Variants in ALS2CL observed in about 807,000 individuals in gnomAD.
ALS2CL encodes ALS2 C-terminal-like protein.
ALS2CL carries 112 observed loss-of-function variants against 127.9 expected under a neutral mutation model. The observed-to-expected ratio is 0.88, with a 90% CI of 0.75 to 1.02. ALS2CL has a LOEUF of 1.02. Among genes scored for constraint, ALS2CL ranks in the 50% least tolerant of loss-of-function variants. The probability of loss-of-function intolerance (pLI) is 0.00; values close to 1 mark genes in which losing one functional copy is unlikely to be tolerated. For synonymous variants in ALS2CL, 519 were observed against 527.6 expected (o/e 0.98, Z 0.22); for missense variants, 1,174 against 1,236.7 (o/e 0.95, Z 0.76).
At position 46,672,170 on chromosome 3, in the gene ALS2CL, A is replaced by G. The variant is rs1292614792; in HGVS notation, c.2504T>C (p.Leu835Pro). The stretch of plus-strand genomic sequence containing the variant: ...CTTCTGCAGGCACTCGGTGGCTGAC[A>G]GGAAACACTTGTCCCTGACCAGGGA... ...RYSLVRDKCF[L>P]SATECLQKIM... Residue 835 changes from leucine (L) to proline (P), a missense_variant, in exon 23 of 26, where the codon CTG becomes CCG. Coordinates refer to ENST00000318962, the MANE Select transcript of ALS2CL (RefSeq NM_147129.5). The G allele has an allele frequency of 2.5e-6, 4 of 1,613,966 alleles. No individual in the cohort carries two copies. Among genetic ancestry groups the G allele is most frequent in the Non-Finnish European group, 3.4e-6 (4 of 1,180,026 alleles).
At chr3:46,675,336 G>A (rs532663354) in intron 20 of ALS2CL, 14 of 404,956 alleles carry the variant, frequency 3.5e-5, no homozygotes, top group Non-Finnish European at 4.9e-5. Context: ...AGGGTGCCTC[G>A]GGGAGCTACT....
chr3:46,675,874 C>T, intron 19 of ALS2CL, 188 bp from the exon 20 acceptor site: 2 of 1,447,730 alleles, frequency 1.4e-6, no homozygotes, highest in Non-Finnish European at 1.8e-6. Flanking sequence ...AATCCAGCAG[C>T]AGAAGGAACT....
intron 19 of ALS2CL, chr3:46,675,994 T>A (rs745584681): frequency 1.1e-5 from 16 of 1,420,304 alleles, no homozygotes; most frequent in Middle Eastern, 2.6e-4. Flanking sequence ...GGGGTGAGAG[T>A]GCACCTGCGG....
At position 46,681,940 on chromosome 3, in the gene ALS2CL, G is replaced by A; in HGVS notation, c.1175+89C>T. 2 of 1,460,044 alleles carry A rather than the reference G, an allele frequency of 1.4e-6. No homozygotes were observed. Among genetic ancestry groups the A allele is most frequent in the Non-Finnish European group, 1.9e-6 (2 of 1,060,550 alleles). 90.4% of individuals were successfully genotyped at this position (1,460,044 alleles called of 1,614,324 possible). A position where few individuals can be genotyped will look rare whatever the true frequency, so the allele number is the denominator to read the frequency against. ...TCCTGCTTGAGGTTTGGGAATTCAG[G>A]ATGGGGCCGGGCTGGTGACCACAGC... On this transcript the variant is annotated intron_variant, in intron 11 of 25. Transcript: ENST00000318962. This position sits in a 1 kb window ranked among gnomAD's most constrained non-coding sequence, Gnocchi z 4.9.
intron 22 of ALS2CL, among the ~76,000 whole-genome samples, chr3:46,672,415 T>C (rs1698478760): frequency 6.6e-6 from 1 of 152,186 alleles, no homozygotes; most frequent in Non-Finnish European, 1.5e-5. Flanking sequence ...ATAGTCTCCA[T>C]GAGGTTGGGA....
rs1699030852 is a variant in ALS2CL at position 46,678,251 on chromosome 3, G to C, written c.1757+8C>G. 3.2e-6 allele frequency: 5 copies of C among 1,573,524 alleles called. No homozygotes were observed. The highest frequency in any genetic ancestry group is 4.3e-6 in the Non-Finnish European group (5 of 1,152,666). On this transcript the variant is annotated splice_region_variant and intron_variant, in intron 16 of 25. Transcript: ENST00000318962. ...ATAGGCCCAGAGCCAGAGGGGCCAG[G>C]CACTCACCTCTTGCAGGTACTGCTC...
In ALS2CL at chr3:46,687,000, C is replaced by G; in HGVS notation, c.517G>C (p.Gly173Arg). 6.2e-7 allele frequency: 1 copy of G among 1,600,434 alleles called. No individual in the cohort carries two copies. The highest frequency in any genetic ancestry group is 8.5e-7 in the Non-Finnish European group (1 of 1,177,282). ...QQYVLLLLSL[G>R]DTIGEHHPTR... ...GTACCCACCTCCCCAATGGTGTCCC[C>G]GAGGCTCAGCAGGAGGAGCACGTAC... The change falls in exon 5 of 26, where the codon GGG becomes CGG. Residue 173 changes from glycine (G) to arginine (R), a missense_variant. Coordinates refer to ENST00000318962, the MANE Select transcript of ALS2CL (RefSeq NM_147129.5). This position sits in a 1 kb window ranked among gnomAD's most constrained non-coding sequence, Gnocchi z 4.3.
Position 46,676,998 on chromosome 3 carries a change from G to C in ALS2CL, c.1782C>G (p.Pro594=), listed in dbSNP as rs565141909. The C allele has an allele frequency of 5.0e-6, 8 of 1,609,992 alleles. No homozygotes were observed. The South Asian group carries it at 5.5e-5, about 11-fold the overall frequency. ...AGACTCCCTGCCAGCGGCTTTCCACGGGGAAGGCACCCACGCCCAGCTGCC... is the reference window on the plus strand; with the variant it reads ...AGACTCCCTGCCAGCGGCTTTCCACCGGGAAGGCACCCACGCCCAGCTGCC... ...CKRQLGVGAF[P]VESRWQGVYS... Residue 594 remains proline, a synonymous_variant, in exon 17 of 26, where the codon CCC becomes CCG. Coordinates refer to ENST00000318962, the MANE Select transcript of ALS2CL (RefSeq NM_147129.5).
chr3:46,683,496 C>G (rs1226519074), intron 9 of ALS2CL, among the ~76,000 whole-genome samples, 170 bp from the exon 10 acceptor site: 1 of 152,236 alleles, frequency 6.6e-6, no homozygotes, highest in Non-Finnish European at 1.5e-5. Flanking sequence ...GGGCCCTCCA[C>G]CCAACCTGAG....
chr3:46,677,965 G>C (rs1194554993), intron 16 of ALS2CL, among the ~76,000 whole-genome samples: 1 of 123,284 alleles, frequency 8.1e-6, no homozygotes, highest in Non-Finnish European at 1.7e-5. Flanking sequence ...TTTCCTGTAT[G>C]TTTGGTTTGT....
chr3:46,673,487 C>A, intron 21 of ALS2CL, 106 bp from the exon 22 acceptor site: 1 of 1,208,478 alleles, frequency 8.3e-7, no homozygotes, highest in Non-Finnish European at 1.2e-6. Flanking sequence ...AGATCTGGGT[C>A]CTGAAAAGGG....
chr3:46,677,115 T>C (rs1698914702), intron 16 of ALS2CL, 93 bp from the exon 17 acceptor site: 25 of 1,502,180 alleles, frequency 1.7e-5, no homozygotes, highest in Non-Finnish European at 2.2e-5. Flanking sequence ...GGTGGGGGTA[T>C]GAGCCTGGCC....
rs149648236 is a variant in ALS2CL, at chr3:46,676,536, C to G, written c.2028+106G>C. ...AGGTCCTCTGAGGACAAGGGATCCACAGGCCTGTCCCCTTCAGTCAGCACC... is the reference window on the plus strand; with the variant it reads ...AGGTCCTCTGAGGACAAGGGATCCAGAGGCCTGTCCCCTTCAGTCAGCACC... On this transcript the variant is annotated intron_variant, in intron 18 of 25. Coordinates refer to ENST00000318962, the MANE Select transcript of ALS2CL (RefSeq NM_147129.5). 10 of 1,530,040 alleles carry G rather than the reference C, an allele frequency of 6.5e-6. No individual in the cohort carries two copies. The Admixed American group carries it at 1.4e-4, about 22-fold the overall frequency. 94.8% of individuals were successfully genotyped at this position (1,530,040 alleles called of 1,614,324 possible).
In ALS2CL at chr3:46,689,399, C is replaced by G; in HGVS notation, c.42G>C (p.Glu14Asp). Residue 14 changes from glutamate to aspartate, a missense_variant, in exon 2 of 26, where the codon GAG (glutamate) becomes GAC (aspartate). Physicochemically the swap from Glu to Asp is conservative, Grantham distance 45. Coordinates refer to ENST00000318962, the MANE Select transcript of ALS2CL (RefSeq NM_147129.5). The stretch of plus-strand genomic sequence containing the variant: ...CATGGGCGAGGGTGGCTGAGAAGAC[C>G]TCCTCCAGCCGCAGCAGAGCTGCCT... Reference protein sequence around the residue: ...PEEAALLRLEEVFSATLAHVN... With the variant: ...PEEAALLRLEDVFSATLAHVN... 1.2e-6 allele frequency: 2 copies of G among 1,611,720 alleles called. No individual in the cohort carries two copies. Among genetic ancestry groups the G allele is most frequent in the Non-Finnish European group, 1.7e-6 (2 of 1,179,642 alleles).
chr3:46,676,635 C>T lies in ALS2CL; in HGVS notation c.2028+7G>A, dbSNP rs779727749. The T allele has an allele frequency of 6.2e-7, 1 of 1,612,806 alleles. No individual in the cohort carries two copies. Among genetic ancestry groups the T allele is most frequent in the Admixed American group, 1.7e-5 (1 of 59,942 alleles). ...CACCCCCTTGGCCACCCCAGCAGGG[C>T]TCTCACCTTCCTGAGGTACAGCTGC... On this transcript the variant is annotated splice_region_variant and intron_variant, in intron 18 of 25. Coordinates refer to ENST00000318962, the MANE Select transcript of ALS2CL (RefSeq NM_147129.5).
Position 46,678,379 on chromosome 3 carries a change from G to GC in ALS2CL, c.1636_1637insG (p.Thr546SerfsTer90), listed in dbSNP as rs760067137. 5.6e-6 allele frequency: 9 copies of GC among 1,612,388 alleles called. No homozygotes were observed. Among genetic ancestry groups the GC allele is most frequent in the Non-Finnish European group, 7.6e-6 (9 of 1,179,016 alleles). ...CTCCAGGGTGAAGCCATTGGGGAAGGTGACCTTGCCCTGGGAGCCAGGAGA... is the reference window on the plus strand; with the variant it reads ...CTCCAGGGTGAAGCCATTGGGGAAGGCTGACCTTGCCCTGGGAGCCAGGAGA... On this transcript the variant is annotated frameshift_variant, in exon 16 of 26. Coordinates refer to ENST00000318962, the MANE Select transcript of ALS2CL (RefSeq NM_147129.5). LOFTEE classifies it high-confidence loss of function.
chr3:46,679,528 C>A (rs1304351870), intron 14 of ALS2CL: 11 of 312,148 alleles, frequency 3.5e-5, no homozygotes, highest in Admixed American at 9.7e-5. Flanking sequence ...GCCCTGGCTC[C>A]TCACCCCAGC....
At chr3:46,683,575 G>A (rs1699529147) in intron 9 of ALS2CL, among the ~76,000 whole-genome samples, 1 of 152,302 alleles carries the variant, frequency 6.6e-6, no homozygotes, top group East Asian at 1.9e-4. Flanking sequence ...GATCAACACA[G>A]GACCCAATTC....
At position 46,676,627 on chromosome 3, in the gene ALS2CL, C is replaced by A; in HGVS notation, c.2028+15G>T. The A allele has an allele frequency of 6.2e-7, 1 of 1,612,128 alleles. No homozygotes were observed. The highest frequency in any genetic ancestry group is 1.1e-5 in the South Asian group (1 of 90,760). The stretch of plus-strand genomic sequence containing the variant: ...GACAATGTCACCCCCTTGGCCACCC[C>A]AGCAGGGCTCTCACCTTCCTGAGGT... On this transcript the variant is annotated intron_variant, in intron 18 of 25. Coordinates refer to ENST00000318962, the MANE Select transcript of ALS2CL (RefSeq NM_147129.5).
Sources: gnomAD v4.1 joint callset for allele counts (sites outside exome capture counted in the v4.1 genomes callset) on GRCh38, gnomAD v4.1.1 for gene constraint, Gnocchi (gnomAD v3.1) non-coding constraint, MANE v1.5 for transcripts, NCBI Gene and HGNC (gene_info 2026-07-23, HGNC 2026-07-21) for gene names.